Variants in FGF13 observed in about 807,000 individuals in gnomAD.
The protein encoded by FGF13 is fibroblast growth factor homologous factor 2.
In FGF13, 2 loss-of-function variants were observed where a neutral mutation model predicts 19.5. That is an observed-to-expected ratio of 0.10 (90% CI 0.04 to 0.32). The LOEUF (loss-of-function observed/expected upper bound fraction) is 0.32. Among genes scored for constraint, FGF13 ranks in the 10% least tolerant of loss-of-function variants. The pLI is 1.00. For missense variants in FGF13, 113 were observed against 192.7 expected, an observed-to-expected ratio of 0.59 and a Z score of 2.45; for synonymous variants, 72 against 76.9, an observed-to-expected ratio of 0.94 and a Z score of 0.33.
intron 1 of FGF13, among the ~76,000 whole-genome samples, chrX:138,875,157 G>T (rs910525608): frequency 2.8e-5 from 3 of 107,604 alleles, no homozygotes; most frequent in African/African-American, 1.0e-4. Flanking sequence ...ACTTGAACCC[G>T]GGAGGCGAAG....
chrX:138,967,490 T>C (rs896626910), intron 1 of FGF13, among the ~76,000 whole-genome samples: 1 of 111,416 alleles, frequency 9.0e-6, no homozygotes, highest in African/African-American at 3.3e-5. Flanking sequence ...GGTCTTCCAA[T>C]GTTACAGAAA....
intron 3 of FGF13, among the ~76,000 whole-genome samples, chrX:138,645,838 C>T (rs59861105): frequency 2.9e-3 from 327 of 111,628 alleles, no homozygotes; most frequent in African/African-American, 0.01. Context: ...TTTGATTTAG[C>T]GCTTAAAATA....
chrX:138,702,099 G>A (rs1419404605), intron 3 of FGF13, among the ~76,000 whole-genome samples: 4 of 111,316 alleles, frequency 3.6e-5, no homozygotes, highest in African/African-American at 6.5e-5. Flanking sequence ...CCTGGCCAAC[G>A]TGGTGAAACC....
intron 1 of FGF13, among the ~76,000 whole-genome samples, chrX:139,042,840 G>A (rs186296372): frequency 6.3e-5 from 7 of 111,511 alleles, no homozygotes; most frequent in Admixed American, 1.9e-4. Context: ...TAAATGTATC[G>A]TGGATTCTGA....
chrX:138,660,309 C>T (rs764638872), intron 3 of FGF13, among the ~76,000 whole-genome samples: 10 of 111,529 alleles, frequency 9.0e-5, no homozygotes, highest in Admixed American at 5.7e-4. Context: ...TCCTGACAGC[C>T]CTGTGGGTGG....
chrX:139,152,712 T>C (rs1349547387), intron 1 of FGF13, among the ~76,000 whole-genome samples: 1 of 111,368 alleles, frequency 9.0e-6, no homozygotes, highest in African/African-American at 3.3e-5. Flanking sequence ...AAAGCTCTTC[T>C]TGATGCCCCC....
chrX:138,660,016 G>A (rs1195975155), intron 3 of FGF13, among the ~76,000 whole-genome samples: 1 of 63,118 alleles, frequency 1.6e-5, no homozygotes, highest in Non-Finnish European at 2.9e-5. Flanking sequence ...CATGGCACAT[G>A]TATAACTATG....
At chrX:138,685,491 C>A (rs987290209) in intron 3 of FGF13, among the ~76,000 whole-genome samples, 3 of 110,852 alleles carry the variant, frequency 2.7e-5, no homozygotes, top group African/African-American at 9.8e-5. Context: ...TGATGAATTG[C>A]ACATTATCAC....
chrX:139,113,871 C>T (rs1403652298), intron 1 of FGF13, among the ~76,000 whole-genome samples: 6 of 111,984 alleles, frequency 5.4e-5, no homozygotes, highest in East Asian at 2.8e-4. Context: ...GATGACTAAG[C>T]GCCCTTCTGG....
intron 1 of FGF13, among the ~76,000 whole-genome samples, chrX:139,189,497 G>A (rs887602506): frequency 8.9e-6 from 1 of 111,744 alleles, no homozygotes; most frequent in Non-Finnish European, 1.9e-5. Flanking sequence ...CAACATGGAT[G>A]AGCCTCAAGG....
intron 1 of FGF13, among the ~76,000 whole-genome samples, chrX:138,943,937 G>A (rs1482639846): frequency 2.7e-5 from 3 of 111,539 alleles, no homozygotes; most frequent in Non-Finnish European, 3.8e-5. Context: ...GGCTGGGTAC[G>A]AATTCAGAAC....
chrX:138,740,340 C>T (rs901064797), upstream of FGF13, among the ~76,000 whole-genome samples: 13 of 111,621 alleles, frequency 1.2e-4, no homozygotes, highest in Non-Finnish European at 2.4e-4. Context: ...TATTAAGCCC[C>T]AGTACCCATA....
At chrX:138,803,821 A>G (rs1016537821) in intron 3 of FGF13, among the ~76,000 whole-genome samples, 1 of 112,305 alleles carries the variant, frequency 8.9e-6, no homozygotes, top group African/African-American at 3.2e-5. Flanking sequence ...TCTGTTCCAC[A>G]CAATTCCACA....
chrX:139,090,412 C>T (rs912917635), intron 1 of FGF13, among the ~76,000 whole-genome samples: 11 of 111,120 alleles, frequency 9.9e-5, no homozygotes, highest in Admixed American at 1.9e-4. Flanking sequence ...ATACCTGTTA[C>T]GTAGTAAGCA....
intron 1 of FGF13, among the ~76,000 whole-genome samples, chrX:138,918,054 G>A (rs1475162101): frequency 1.8e-5 from 2 of 110,778 alleles, no homozygotes; most frequent in African/African-American, 6.6e-5. Flanking sequence ...AAGAACATGT[G>A]TCTGTGCCTA....
intron 3 of FGF13, among the ~76,000 whole-genome samples, chrX:138,852,478 G>A (rs1387656306): frequency 9.0e-6 from 1 of 111,711 alleles, no homozygotes; most frequent in East Asian, 2.8e-4. Flanking sequence ...TTAATAAATG[G>A]TGCTGGGTGA....
chrX:138,894,572 A>C (rs1160272499), intron 1 of FGF13, among the ~76,000 whole-genome samples: 3 of 111,639 alleles, frequency 2.7e-5, no homozygotes, highest in Non-Finnish European at 1.9e-5. Context: ...AAATGGATAA[A>C]TTCCTGGACA....
chrX:138,849,842 T>G (rs1186455104), intron 3 of FGF13, among the ~76,000 whole-genome samples: 1 of 112,070 alleles, frequency 8.9e-6, no homozygotes, highest in Non-Finnish European at 1.9e-5. Flanking sequence ...ATCTTTGATT[T>G]TGACTTTTTA....
chrX:138,750,154 A>G (rs1602783162), intron 3 of FGF13, among the ~76,000 whole-genome samples: 1 of 111,426 alleles, frequency 9.0e-6, no homozygotes, highest in East Asian at 2.8e-4. Context: ...TAGGTTCCAA[A>G]GAGTATTCTA....
Sources: gnomAD v4.1 joint callset for allele counts (sites outside exome capture counted in the v4.1 genomes callset) on GRCh38, gnomAD v4.1.1 for gene constraint, MANE v1.5 for transcripts, NCBI Gene and HGNC (gene_info 2026-07-23, HGNC 2026-07-21) for gene names.